Variants in TMEM114 observed in about 807,000 individuals in gnomAD.
TMEM114 encodes claudin-26.
TMEM114 carries 6 observed loss-of-function variants against 6.2 expected under a neutral mutation model. The observed-to-expected ratio is 0.97, with a 90% CI of 0.53 to 1.91. TMEM114 has a LOEUF of 1.91. Ranked by LOEUF, TMEM114 falls within the 40% of genes most tolerant of loss-of-function variation. TMEM114 has a pLI of 0.01. For missense variants in TMEM114, 218 were observed against 158.3 expected (o/e 1.38, Z -2.02); for synonymous variants, 104 against 73.0 (o/e 1.42, Z -2.16).
chr16:8,532,544 G>T, the TMEM114 span, among the ~76,000 whole-genome samples: 1 of 152,148 alleles, frequency 6.6e-6, no homozygotes, highest in Non-Finnish European at 1.5e-5. Context: ...TTACATTCTA[G>T]GGGTCCATTA....
chr16:8,567,274 G>A (rs1447227608), downstream of TMEM114, among the ~76,000 whole-genome samples: 1 of 152,084 alleles, frequency 6.6e-6, no homozygotes, highest in Non-Finnish European at 1.5e-5. Context: ...TAGATTATTG[G>A]TTCATGGGTT....
At chr16:8,575,649 A>G (rs1467944171) in intron 2 of TMEM114, among the ~76,000 whole-genome samples, 1 of 152,208 alleles carries the variant, frequency 6.6e-6, no homozygotes, top group Non-Finnish European at 1.5e-5. Flanking sequence ...TATAACCTTC[A>G]AGCCTCAGTT....
intron 1 of TMEM114, 26 bp downstream of exon 1, chr16:8,589,593 C>T (rs967123710): frequency 2.8e-4 from 112 of 398,504 alleles, no homozygotes; most frequent in African/African-American, 2.0e-3. Context: ...GCAGCCACAG[C>T]TCCCAGCCAC....
intron 2 of TMEM114, among the ~76,000 whole-genome samples, chr16:8,543,071 C>A (rs947776462): frequency 1.3e-5 from 2 of 152,120 alleles, no homozygotes; most frequent in African/African-American, 4.8e-5. Flanking sequence ...CCTTCGAAAA[C>A]TTTTAATTAA....
intron 2 of TMEM114, among the ~76,000 whole-genome samples, chr16:8,564,302 T>G (rs964413283): frequency 6.8e-6 from 1 of 146,342 alleles, no homozygotes; most frequent in African/African-American, 2.6e-5. Flanking sequence ...AGTGAATGAG[T>G]GATGAAATAA....
chr16:8,540,841 T>C (rs1227736919), intron 2 of TMEM114, among the ~76,000 whole-genome samples: 1 of 152,214 alleles, frequency 6.6e-6, no homozygotes, highest in Non-Finnish European at 1.5e-5. Context: ...TTTCAAGAGC[T>C]GACAACAGGA....
chr16:8,528,076 G>A, the TMEM114 span, among the ~76,000 whole-genome samples: 2 of 151,856 alleles, frequency 1.3e-5, no homozygotes, highest in Non-Finnish European at 2.9e-5. Flanking sequence ...GCCCGGCTAA[G>A]TTTTGGTAGA....
intron 2 of TMEM114, among the ~76,000 whole-genome samples, chr16:8,549,105 C>G (rs1900761252): frequency 1.3e-5 from 2 of 149,958 alleles, no homozygotes; most frequent in Admixed American, 1.4e-4. Context: ...TGGCGTGAAC[C>G]CTGGAGGTGG....
At chr16:8,558,268 C>T (rs575206286) in intron 2 of TMEM114, among the ~76,000 whole-genome samples, 2 of 151,988 alleles carry the variant, frequency 1.3e-5, no homozygotes, top group Non-Finnish European at 2.9e-5. Flanking sequence ...AGAAAAAAAA[C>T]AAAGTTCAAA....
the TMEM114 span, among the ~76,000 whole-genome samples, chr16:8,528,380 T>A: frequency 4.6e-5 from 7 of 152,318 alleles, no homozygotes; most frequent in African/African-American, 1.7e-4. Context: ...TCATGCACCA[T>A]GCTGTTCTAG....
chr16:8,531,742 G>A, the TMEM114 span, among the ~76,000 whole-genome samples: 1 of 152,192 alleles, frequency 6.6e-6, no homozygotes, highest in Non-Finnish European at 1.5e-5. Flanking sequence ...AATAGTCTGT[G>A]GAATCCTCAA....
At chr16:8,581,457 C>G (rs1902145252) in intron 2 of TMEM114, among the ~76,000 whole-genome samples, 1 of 152,098 alleles carries the variant, frequency 6.6e-6, no homozygotes, top group Non-Finnish European at 1.5e-5. Flanking sequence ...AAGAAGTGGA[C>G]TTGTGTGTGT....
At chr16:8,573,864 T>C (rs1471744475) in intron 2 of TMEM114, among the ~76,000 whole-genome samples, 1 of 152,198 alleles carries the variant, frequency 6.6e-6, no homozygotes, top group African/African-American at 2.4e-5. Flanking sequence ...ATGTCTCACC[T>C]GACAGAACAT....
intron 3 of TMEM114, among the ~76,000 whole-genome samples, chr16:8,570,900 G>C (rs927544389): frequency 1.3e-5 from 2 of 152,186 alleles, no homozygotes; most frequent in Non-Finnish European, 2.9e-5. Flanking sequence ...TGCAGCTCCC[G>C]ATGCTCGGCA....
chr16:8,564,249 GT>G (rs1253778582), intron 2 of TMEM114, among the ~76,000 whole-genome samples: 3 of 7,914 alleles, frequency 3.8e-4, no homozygotes, highest in Non-Finnish European at 1.1e-3. Context: ...GAATGAGTGA[GT>G]GAGTGAATGA....
At chr16:8,561,171 T>C (rs921613870) in intron 2 of TMEM114, among the ~76,000 whole-genome samples, 3 of 152,242 alleles carry the variant, frequency 2.0e-5, no homozygotes, top group Non-Finnish European at 4.4e-5. Context: ...AGCCAAACCA[T>C]AACACTGGGT....
At chr16:8,565,708 A>C (rs111892074), downstream of TMEM114, among the ~76,000 whole-genome samples, 5 of 152,136 alleles carry the variant, frequency 3.3e-5, no homozygotes, top group African/African-American at 1.2e-4. Flanking sequence ...GTCCGTTCAC[A>C]CAACAGACCT....
intron 2 of TMEM114, among the ~76,000 whole-genome samples, chr16:8,542,021 C>A (rs534312222): frequency 6.6e-6 from 1 of 152,182 alleles, no homozygotes; most frequent in African/African-American, 2.4e-5. Flanking sequence ...ACCAGGACAG[C>A]ATGGTGACCA....
chr16:8,533,279 T>G (rs1170125698), downstream of TMEM114, among the ~76,000 whole-genome samples: 1 of 152,190 alleles, frequency 6.6e-6, no homozygotes, highest in Non-Finnish European at 1.5e-5. Flanking sequence ...TGATAGAACA[T>G]CTGAGTTGAG....
Sources: gnomAD v4.1 joint callset for allele counts (sites outside exome capture counted in the v4.1 genomes callset) on GRCh38, gnomAD v4.1.1 for gene constraint, MANE v1.5 for transcripts, NCBI Gene and HGNC (gene_info 2026-07-23, HGNC 2026-07-21) for gene names.